Variants in VCL observed in about 807,000 individuals in gnomAD.
VCL encodes epididymis luminal protein 114.
In VCL, 47 loss-of-function variants were observed where a neutral mutation model predicts 125.7. The observed-to-expected ratio is 0.37, with a 90% CI of 0.30 to 0.48. VCL has a LOEUF of 0.48. VCL is among the 20% of genes least tolerant of loss of function. The pLI, the probability that VCL is intolerant of heterozygous loss-of-function variation, is 0.99. For synonymous variants in VCL, 458 were observed against 514.6 expected, an observed-to-expected ratio of 0.89 and a Z score of 1.49; for missense variants, 1,069 against 1,455.5, an observed-to-expected ratio of 0.73 and a Z score of 4.32.
intron 21 of VCL, 40 bp downstream of exon 21, chr10:74,114,939 T>G: frequency 6.5e-7 from 1 of 1,536,756 alleles, no homozygotes; most frequent in Non-Finnish European, 8.8e-7. Context: ...TGGCAGCTTC[T>G]GTGCCGTTTT....
rs1840179784 is a variant in VCL, at chr10:74,108,988, T to G, written c.2577T>G (p.Ala859=). The change falls in exon 18 of 22, where the codon GCT becomes GCG. Residue 859 remains alanine (A), a synonymous_variant. Transcript: ENST00000211998. ...TTTTTTAGCTAACAGATGAGCTTGC[T>G]CCTCCCAAACCACCTCTGCCTGAAG... ...LEQLRLTDEL[A]PPKPPLPEGE... is the part of the protein sequence containing the mutation. The G allele has an allele frequency of 6.2e-7, 1 of 1,614,120 alleles. No individual in the cohort carries two copies.
chr10:74,090,975 A>C (rs905610262), intron 10 of VCL, among the ~76,000 whole-genome samples: 2 of 151,322 alleles, frequency 1.3e-5, no homozygotes, highest in Non-Finnish European at 2.9e-5. Flanking sequence ...TAATTTTTTT[A>C]TTTTTTGTAG....
In VCL at chr10:74,095,688, G is replaced by A; in HGVS notation, c.1576G>A (p.Gly526Arg). The A allele has an allele frequency of 6.2e-7, 1 of 1,614,160 alleles. No individual in the cohort carries two copies. The highest frequency in any genetic ancestry group is 8.5e-7 in the Non-Finnish European group (1 of 1,180,044). Residue 526 changes from glycine (G) to arginine (R), a missense_variant, in exon 12 of 22, where the codon GGG becomes AGG. Around this residue, in one of 6 missense-constraint regions of VCL, gnomAD observed 760 missense variants for 928.9 expected, o/e 0.82. Transcript: ENST00000211998. ...QAAIRGLVAE[G>R]HRLANVMMGP... ...TGCCATCCGGGGGCTTGTGGCCGAA[G>A]GGCATCGTCTGGCTAATGTTATGAT...
intron 8 of VCL, among the ~76,000 whole-genome samples, chr10:74,086,802 T>C (rs1443360890): frequency 6.6e-6 from 1 of 152,224 alleles, no homozygotes; most frequent in African/African-American, 2.4e-5. Flanking sequence ...GTTATCTCCC[T>C]GTAGTCCTTT....
At chr10:74,117,271 G>A (rs978420822) in intron 21 of VCL, among the ~76,000 whole-genome samples, 31 of 152,156 alleles carry the variant, frequency 2.0e-4, no homozygotes, top group African/African-American at 7.2e-4. Context: ...TTAAATGTTA[G>A]TATGAAGACA....
rs369223834 is a variant in VCL at position 74,012,519 on chromosome 10, A to G, written c.168+14144A>G. ...GCAGAATTTATATTATTCTTCTTAA[A>G]GAGTTGTGTGTTAACTACTACAAAT... On this transcript the variant is annotated intron_variant, in intron 1 of 21. Coordinates refer to ENST00000211998, the MANE Select transcript of VCL (RefSeq NM_014000.3). Among the ~76,000 whole-genome samples, 7 of 152,340 alleles carry G rather than the reference A, an allele frequency of 4.6e-5. No individual in the cohort carries two copies. In the East Asian group the frequency reaches 1.3e-3, roughly 29 times the overall value.
intron 1 of VCL, chr10:74,005,143 C>G (rs1840298346): frequency 6.6e-6 from 1 of 152,096 alleles, no homozygotes; most frequent in Non-Finnish European, 1.5e-5. Context: ...TGTAAAATAA[C>G]TTTGTAGATT....
At position 74,101,063 on chromosome 10, in the gene VCL, C is replaced by A. The variant is rs1840046203; in HGVS notation, c.1988C>A (p.Ala663Asp). 1.9e-6 allele frequency: 3 copies of A among 1,613,554 alleles called. No individual in the cohort carries two copies. The highest frequency in any genetic ancestry group is 8.5e-7 in the Non-Finnish European group (1 of 1,179,798). ...ANKSTVEGIQASVKTARELTP... is the reference protein window; with the variant it reads ...ANKSTVEGIQDSVKTARELTP... ...AAATCAACAGTGGAAGGCATTCAGG[C>A]CTCAGTGAAGACGGCCCGAGAACTC... The change falls in exon 14 of 22, where the codon GCC (alanine) becomes GAC (aspartate). Residue 663 changes from alanine (A) to aspartate (D), a missense_variant. Physicochemically the swap from Ala to Asp is moderately radical, Grantham distance 126. Around this residue, in one of 6 missense-constraint regions of VCL, gnomAD observed 760 missense variants for 928.9 expected, o/e 0.82. Transcript: ENST00000211998.
intron 1 of VCL, among the ~76,000 whole-genome samples, chr10:74,002,640 T>A (rs1425168779): frequency 6.6e-6 from 1 of 151,140 alleles, no homozygotes; most frequent in African/African-American, 2.4e-5. Context: ...TCCCAGCACT[T>A]TGGGAGGCCG....
At chr10:74,032,656 C>T (rs1362659313) in intron 1 of VCL, among the ~76,000 whole-genome samples, 1 of 150,784 alleles carries the variant, frequency 6.6e-6, no homozygotes, top group Admixed American at 6.6e-5. Flanking sequence ...GCCCAGATTG[C>T]ACCACTGTAC....
intron 6 of VCL, chr10:74,077,787 G>A (rs757561817): frequency 2.0e-5 from 9 of 451,782 alleles, no homozygotes; most frequent in Admixed American, 1.2e-4. Context: ...GCGTCTTGCC[G>A]AATAAGTTAA....
intron 2 of VCL, among the ~76,000 whole-genome samples, chr10:74,051,377 C>G (rs1464394404): frequency 6.6e-6 from 1 of 152,102 alleles, no homozygotes; most frequent in African/African-American, 2.4e-5. Flanking sequence ...GCTGGGACTA[C>G]AGGCACGCAC....
At position 74,105,284 on chromosome 10, in the gene VCL, G is replaced by A. The variant is rs745419923; in HGVS notation, c.2365G>A (p.Glu789Lys). The A allele has an allele frequency of 1.1e-5, 17 of 1,613,588 alleles. No homozygotes were observed. Among genetic ancestry groups the A allele is most frequent in the Non-Finnish European group, 1.4e-5 (16 of 1,180,042 alleles). The change falls in exon 16 of 22, where the codon GAA (glutamate) becomes AAA (lysine). Residue 789 changes from glutamate to lysine, a missense_variant. Coordinates refer to ENST00000211998, the MANE Select transcript of VCL (RefSeq NM_014000.3). ...FREAVKAASD[E>K]LSKTISPMVM... ...TGAGGCTGTGAAAGCTGCCTCTGAT[G>A]AATTGAGCAAAACCATCTCCCCGAT...
intron 1 of VCL, among the ~76,000 whole-genome samples, chr10:74,037,129 C>T (rs2136244622): frequency 6.6e-6 from 1 of 152,262 alleles, no homozygotes; most frequent in African/African-American, 2.4e-5. Flanking sequence ...CCACGATGGT[C>T]TCCATCTCCT....
chr10:74,095,638 G>GT lies in VCL; in HGVS notation c.1544-13dup. 6.2e-7 allele frequency: 1 copy of GT among 1,613,286 alleles called. No homozygotes were observed. Among genetic ancestry groups the GT allele is most frequent in the Non-Finnish European group, 8.5e-7 (1 of 1,180,016 alleles). Reference sequence around the variant, plus strand: ...TCCTCTGGGTCTTGTAAGTTTCATTGTTTTTCTCTTGGTCCAGGTCAGGCT... The same window carrying GT: ...TCCTCTGGGTCTTGTAAGTTTCATTGTTTTTTCTCTTGGTCCAGGTCAGGCT... On this transcript the variant is annotated splice_polypyrimidine_tract_variant and intron_variant, in intron 11 of 21. Transcript: ENST00000211998.
chr10:74,069,083 AG>A (rs1841619745), intron 2 of VCL, among the ~76,000 whole-genome samples: 2 of 151,544 alleles, frequency 1.3e-5, no homozygotes, highest in South Asian at 4.2e-4. Context: ...TTGGAGACAG[AG>A]TCTAACTCTG....
At chr10:74,006,803 A>G (rs1591646473) in intron 1 of VCL, among the ~76,000 whole-genome samples, 1 of 152,216 alleles carries the variant, frequency 6.6e-6, no homozygotes, top group Admixed American at 6.5e-5. Context: ...AATATAGCTC[A>G]TGATATATAT....
chr10:74,031,515 A>G (rs1321034522), intron 1 of VCL, among the ~76,000 whole-genome samples: 1 of 152,204 alleles, frequency 6.6e-6, no homozygotes, highest in Non-Finnish European at 1.5e-5. Flanking sequence ...AGAATAAAAC[A>G]TGGGAGTAAA....
intron 1 of VCL, among the ~76,000 whole-genome samples, chr10:74,008,614 A>G (rs916008371): frequency 2.0e-5 from 3 of 152,232 alleles, no homozygotes; most frequent in African/African-American, 7.2e-5. Flanking sequence ...AGAGACAAAG[A>G]TATCACAAAG....
Sources: allele counts gnomAD v4.1 joint callset (sites outside exome capture counted in the v4.1 genomes callset), GRCh38; gene constraint gnomAD v4.1.1; regional missense constraint gnomAD v4.1.1; transcripts MANE v1.5; gene names NCBI Gene and HGNC (gene_info 2026-07-23, HGNC 2026-07-21).